Variants in MYO5A observed in about 807,000 individuals in gnomAD.
MYO5A encodes unconventional myosin-Va.
MYO5A carries 98 observed loss-of-function variants against 249.7 expected under a neutral mutation model. The ratio of observed to expected loss-of-function variants is 0.39; its 90% CI spans 0.33 to 0.46. The LOEUF (loss-of-function observed/expected upper bound fraction) is 0.46, where lower values mean the gene tolerates loss of function less well. MYO5A is among the 20% of genes least tolerant of loss of function. The pLI is 0.98. For missense variants in MYO5A, 1,696 were observed against 2,308.8 expected, an observed-to-expected ratio of 0.73 and a Z score of 5.44; for synonymous variants, 778 against 810.6, an observed-to-expected ratio of 0.96 and a Z score of 0.68.
chr15:52,456,943 C>T (rs2076131024), intron 1 of MYO5A, among the ~76,000 whole-genome samples: 1 of 151,924 alleles, frequency 6.6e-6, no homozygotes, highest in South Asian at 2.1e-4. Context: ...ACAAGAAAAA[C>T]AAAAATAGAC....
At chr15:52,484,048 G>A (rs1263876068) in intron 1 of MYO5A, among the ~76,000 whole-genome samples, 1 of 152,156 alleles carries the variant, frequency 6.6e-6, no homozygotes, top group Non-Finnish European at 1.5e-5. Context: ...TTTGTTAGGG[G>A]GCACTGGAAT....
At position 52,481,838 on chromosome 15, in the gene MYO5A, T is replaced by C. The variant is rs534409319; in HGVS notation, c.27+46942A>G. On this transcript the variant is annotated intron_variant, in intron 1 of 41. Transcript: ENST00000399233. ...CTGGAACATAGTAGTACTCAGTAAA[T>C]ACTTGATGAAAGAATTGGCTAGAGC... Among the ~76,000 whole-genome samples the C allele has an allele frequency of 3.2e-3, 482 of 152,292 alleles. 3 individuals carry two copies. The highest frequency in any genetic ancestry group is 3.4e-3 in the Non-Finnish European group (234 of 68,004).
intron 36 of MYO5A, among the ~76,000 whole-genome samples, chr15:52,325,234 G>C (rs868654826): frequency 6.6e-6 from 1 of 152,018 alleles, no homozygotes; most frequent in Non-Finnish European, 1.5e-5. Flanking sequence ...CTTCACTGAC[G>C]TCTACACAAG....
At chr15:52,316,252 A>G (rs1410005957) in intron 40 of MYO5A, among the ~76,000 whole-genome samples, 2 of 151,294 alleles carry the variant, frequency 1.3e-5, no homozygotes, top group Non-Finnish European at 3.0e-5. Flanking sequence ...AAAAAAAAAA[A>G]AAAAAAGAAA....
At chr15:52,397,549 A>T in intron 9 of MYO5A, 83 bp from the exon 10 acceptor site, 1 of 1,494,446 alleles carries the variant, frequency 6.7e-7, no homozygotes, top group Non-Finnish European at 9.3e-7. Flanking sequence ...AGAGTTAACA[A>T]ATAAAATTCA....
At chr15:52,314,224 A>C in intron 40 of MYO5A, 21 bp from the exon 41 acceptor site, 1 of 1,570,698 alleles carries the variant, frequency 6.4e-7, no homozygotes, top group Non-Finnish European at 8.8e-7. Flanking sequence ...TGAAATGATC[A>C]AAGTTTTTGG....
intron 36 of MYO5A, chr15:52,324,041 C>CAAA (rs2038472259): frequency 1.7e-5 from 1 of 59,140 alleles, no homozygotes; most frequent in Non-Finnish European, 4.9e-5. Flanking sequence ...AAAAAAAAAT[C>CAAA]ACCCAGCTAC....
At chr15:52,405,824 C>A (rs2042980163) in intron 8 of MYO5A, among the ~76,000 whole-genome samples, 1 of 152,238 alleles carries the variant, frequency 6.6e-6, no homozygotes, top group African/African-American at 2.4e-5. Flanking sequence ...ATCATTGTCA[C>A]ACACTGGGTT....
intron 1 of MYO5A, among the ~76,000 whole-genome samples, chr15:52,446,179 A>G (rs2075886342): frequency 6.6e-6 from 1 of 152,218 alleles, no homozygotes; most frequent in African/African-American, 2.4e-5. Context: ...GAGGCCTAGG[A>G]GGACATTATG....
intron 12 of MYO5A, among the ~76,000 whole-genome samples, 199 bp downstream of exon 12, chr15:52,391,731 G>T (rs1595582593): frequency 6.6e-6 from 1 of 152,160 alleles, no homozygotes; most frequent in East Asian, 1.9e-4. Flanking sequence ...CAGCTGAAAA[G>T]AGGAGGGAAA....
chr15:52,336,684 A>AC (rs1596308738), intron 33 of MYO5A, 128 bp from the exon 34 acceptor site: 1 of 718,218 alleles, frequency 1.4e-6, no homozygotes, highest in Non-Finnish European at 2.3e-6. Flanking sequence ...TGGTGGAGCC[A>AC]CCACCTGGCT....
At chr15:52,427,916 T>G (rs1486270400) in intron 3 of MYO5A, among the ~76,000 whole-genome samples, 1 of 152,164 alleles carries the variant, frequency 6.6e-6, no homozygotes, top group African/African-American at 2.4e-5. Context: ...CACCATGAGC[T>G]GGGTGGCTGG....
intron 28 of MYO5A, among the ~76,000 whole-genome samples, chr15:52,350,496 T>A (rs1173790192): frequency 6.6e-6 from 1 of 152,196 alleles, no homozygotes; most frequent in Non-Finnish European, 1.5e-5. Flanking sequence ...TGGATTTTTT[T>A]ATATGACACA....
At chr15:52,476,701 A>T (rs2453985) in intron 1 of MYO5A, among the ~76,000 whole-genome samples, 7,560 of 152,186 alleles carry the variant, frequency 0.05, 257 homozygotes, top group South Asian at 0.14. Flanking sequence ...TCTTTTCTTT[A>T]AGATTGTTGA....
At chr15:52,352,552 C>T (rs1415211272) in intron 27 of MYO5A, among the ~76,000 whole-genome samples, 1 of 152,168 alleles carries the variant, frequency 6.6e-6, no homozygotes, top group East Asian at 1.9e-4. Flanking sequence ...GAGGCCGAGA[C>T]AGTTGGATCA....
intron 9 of MYO5A, among the ~76,000 whole-genome samples, chr15:52,402,466 C>T (rs1632403): frequency 0.053 from 7,992 of 152,156 alleles, 249 homozygotes; most frequent in South Asian, 0.093. Flanking sequence ...GCTATGAAAC[C>T]CAAAGCTCAA....
intron 25 of MYO5A, among the ~76,000 whole-genome samples, chr15:52,358,991 T>C (rs1203642701): frequency 6.6e-6 from 1 of 152,174 alleles, no homozygotes; most frequent in East Asian, 1.9e-4. Context: ...CTTAAGAACA[T>C]GAATTCTAAA....
chr15:52,428,477 G>A lies in MYO5A; in HGVS notation c.231C>T (p.Leu77=). 2 of 1,614,148 alleles carry A rather than the reference G, an allele frequency of 1.2e-6. No individual in the cohort carries two copies. Among genetic ancestry groups the A allele is most frequent in the Non-Finnish European group, 1.7e-6 (2 of 1,179,980 alleles). Residue 77 remains leucine, a synonymous_variant, in exon 3 of 42, where the codon CTC becomes CTT. Transcript: ENST00000399233. ...ILVGENDLTA[L]SYLHEPAVLH... is the part of the protein sequence containing the mutation. ...GCACAGCAGGCTCATGAAGATAGCT[G>A]AGGGCTGTGAGGTCATTTTCACCAA...
intron 1 of MYO5A, among the ~76,000 whole-genome samples, chr15:52,526,483 TC>T (rs2077732584): frequency 6.6e-6 from 1 of 152,150 alleles, no homozygotes; most frequent in African/African-American, 2.4e-5. Context: ...TGCCTCAGCC[TC>T]CTGAGTAGCT....
Sources: gnomAD v4.1 joint callset for allele counts (sites outside exome capture counted in the v4.1 genomes callset) on GRCh38, gnomAD v4.1.1 for gene constraint, MANE v1.5 for transcripts, NCBI Gene and HGNC (gene_info 2026-07-23, HGNC 2026-07-21) for gene names.